Variants in NWD1 observed in about 807,000 individuals in gnomAD.
The protein encoded by NWD1 is NACHT domain- and WD repeat-containing protein 1.
NWD1 carries 129 observed loss-of-function variants against 135.1 expected under a neutral mutation model. That is an observed-to-expected ratio of 0.96 (90% CI 0.83 to 1.11). The LOEUF (loss-of-function observed/expected upper bound fraction) is 1.11, where lower values mean the gene tolerates loss of function less well. NWD1 is among the 50% of genes least tolerant of loss of function. NWD1 has a pLI of 0.00. For synonymous variants in NWD1, 773 were observed against 786.0 expected (o/e 0.98, Z 0.28); for missense variants, 1,740 against 1,851.3 (o/e 0.94, Z 1.10).
intron 1 of NWD1, among the ~76,000 whole-genome samples, chr19:16,720,601 G>C (rs1250967993): frequency 6.6e-6 from 1 of 152,144 alleles, no homozygotes; most frequent in Non-Finnish European, 1.5e-5. Flanking sequence ...CTGTCACTAG[G>C]CTGGAGTGCA....
Position 16,749,651 on chromosome 19 carries a change from CT to C in NWD1, c.1010del (p.Leu337ArgfsTer14). Reference sequence around the variant, plus strand: ...CGATGACAGCAAGCAGCACACCCCCCTGGTACTCTTTGGGCCCCCAGGCATT... The same window carrying C: ...CGATGACAGCAAGCAGCACACCCCCCGGTACTCTTTGGGCCCCCAGGCATT... The part of the protein sequence containing the change: ...RHDDSKQHTP[L>X]VLFGPPGIGK... On this transcript the variant is annotated frameshift_variant, in exon 6 of 19. Coordinates refer to ENST00000524140, the MANE Select transcript of NWD1 (RefSeq NM_001007525.5). LOFTEE classifies it high-confidence loss of function. 7 of 1,605,580 alleles carry C rather than the reference CT, an allele frequency of 4.4e-6. No individual in the cohort carries two copies. The highest frequency in any genetic ancestry group is 6.0e-6 in the Non-Finnish European group (7 of 1,174,308).
At chr19:16,722,334 G>C (rs1430751653) in intron 1 of NWD1, among the ~76,000 whole-genome samples, 1 of 150,814 alleles carries the variant, frequency 6.6e-6, no homozygotes, top group Non-Finnish European at 1.5e-5. Flanking sequence ...TGTCACCCAG[G>C]ATGGAGTGCA....
At chr19:16,773,060 C>A (rs1197520805) in intron 10 of NWD1, 66 bp from the exon 11 acceptor site, 1 of 1,373,206 alleles carries the variant, frequency 7.3e-7, no homozygotes, top group African/African-American at 1.4e-5. Context: ...GGAGCAGAGA[C>A]TCAATTGGCA....
At chr19:16,766,681 G>T (rs1313972821) in intron 10 of NWD1, among the ~76,000 whole-genome samples, 1 of 152,058 alleles carries the variant, frequency 6.6e-6, no homozygotes, top group African/African-American at 2.4e-5. Flanking sequence ...CGCCTATCAG[G>T]CTCAAGAGAT....
intron 11 of NWD1, among the ~76,000 whole-genome samples, chr19:16,778,436 C>G (rs1969731402): frequency 6.6e-6 from 1 of 151,870 alleles, no homozygotes; most frequent in Admixed American, 6.6e-5. Flanking sequence ...ACATAATCCT[C>G]ATTCTCAGCC....
At chr19:16,772,621 A>C (rs1969455450) in intron 10 of NWD1, among the ~76,000 whole-genome samples, 1 of 152,112 alleles carries the variant, frequency 6.6e-6, no homozygotes, top group African/African-American at 2.4e-5. Context: ...ACTCCAACCT[A>C]GGTGACAGGC....
At chr19:16,747,041 T>TA (rs1366453747) in intron 5 of NWD1, among the ~76,000 whole-genome samples, 1 of 138,680 alleles carries the variant, frequency 7.2e-6, no homozygotes, top group African/African-American at 3.0e-5. Flanking sequence ...TTTTCTTTCT[T>TA]TTTTTTTTTT....
At chr19:16,722,405 C>T (rs1395247431) in intron 1 of NWD1, among the ~76,000 whole-genome samples, 1 of 151,788 alleles carries the variant, frequency 6.6e-6, no homozygotes, top group African/African-American at 2.4e-5. Flanking sequence ...TCTCCTGCCT[C>T]AGCCTCCCTG....
intron 7 of NWD1, among the ~76,000 whole-genome samples, chr19:16,761,010 G>A (rs748138106): frequency 9.2e-5 from 14 of 152,034 alleles, no homozygotes; most frequent in East Asian, 5.8e-4. Flanking sequence ...CCCATCAGCC[G>A]TCACTCCTCA....
intron 6 of NWD1, among the ~76,000 whole-genome samples, chr19:16,754,389 C>T (rs1315908148): frequency 6.6e-6 from 1 of 151,406 alleles, no homozygotes; most frequent in Non-Finnish European, 1.5e-5. Context: ...CCCATCATCT[C>T]TATCTTCCAT....
chr19:16,789,318 C>T (rs1202264554), intron 13 of NWD1, 128 bp downstream of exon 13: 1 of 690,392 alleles, frequency 1.4e-6, no homozygotes, highest in Admixed American at 2.3e-5. Flanking sequence ...GAGTACACAA[C>T]CACTTGAGAG....
intron 2 of NWD1, among the ~76,000 whole-genome samples, chr19:16,724,803 C>T (rs1347711681): frequency 6.6e-6 from 1 of 151,572 alleles, no homozygotes; most frequent in African/African-American, 2.4e-5. Flanking sequence ...AGTAATTCTC[C>T]TGCCTCAGCC....
In NWD1 at chr19:16,815,993, C is replaced by T. The variant is rs553095237; in HGVS notation, c.*954C>T. On this transcript the variant is annotated 3_prime_UTR_variant, in exon 19 of 19. Transcript: ENST00000524140. ...AGGTCACAAGTCCAAGGTGCAAGAG[C>T]TCTGAGAGTGAGCCTTCTGTCCCAT... 6.6e-6 allele frequency: 1 copy of T among 152,420 alleles called. No homozygotes were observed. Among genetic ancestry groups the T allele is most frequent in the South Asian group, 2.1e-4 (1 of 4,826 alleles). The allele number at this position is 152,420 out of a possible 1,614,324, so 9.4% of individuals were successfully genotyped here. A position where few individuals can be genotyped will look rare whatever the true frequency, so the allele number is the denominator to read the frequency against.
rs1432574218 is a variant in NWD1, at chr19:16,815,255, G to A, written c.*216G>A. 2.6e-6 allele frequency: 2 copies of A among 782,102 alleles called. No homozygotes were observed. Among genetic ancestry groups the A allele is most frequent in the Non-Finnish European group, 4.8e-6 (2 of 419,206 alleles). 48.4% of individuals were successfully genotyped at this position (782,102 alleles called of 1,614,324 possible). On this transcript the variant is annotated 3_prime_UTR_variant, in exon 19 of 19. Coordinates refer to ENST00000524140, the MANE Select transcript of NWD1 (RefSeq NM_001007525.5). ...AGTTGCAGCTGCAGGAGCTCCCCAG[G>A]ACTTGGAGTCAGAAAGTGCCCAGGG...
In NWD1 at chr19:16,736,528, C is replaced by A. The variant is rs904652367; in HGVS notation, c.82-106C>A. The A allele has an allele frequency of 5.6e-6, 4 of 709,812 alleles. No homozygotes were observed. In the South Asian group the frequency reaches 6.4e-5, roughly 11 times the overall value. The allele number at this position is 709,812 out of a possible 1,614,324, so 44.0% of individuals were successfully genotyped here. On this transcript the variant is annotated intron_variant, in intron 3 of 18. Coordinates refer to ENST00000524140, the MANE Select transcript of NWD1 (RefSeq NM_001007525.5). The stretch of plus-strand genomic sequence containing the variant: ...CCAGACATCCCCCTACAGGAAGAGG[C>A]TGTCAAAAATTTTTGAAAGAAACTT...
Position 16,739,329 on chromosome 19 carries a change from C to CAAA in NWD1, c.198+2603_198+2605dup, listed in dbSNP as rs67106916. ...TAACATAGTGAGACCCTATCTCTAC[C>CAAA]AAAAAAAAAAAAAAAAAAAAAAAAA... On this transcript the variant is annotated intron_variant, in intron 4 of 18. Transcript: ENST00000524140. Among the ~76,000 whole-genome samples, 52 of 78,952 alleles carry CAAA rather than the reference C, an allele frequency of 6.6e-4. 1 individual carries two copies. The highest frequency in any genetic ancestry group is 1.6e-3 in the East Asian group (3 of 1,926). 51.8% of individuals were successfully genotyped at this position (78,952 alleles called of 152,430 possible).
chr19:16,741,095 G>A (rs1358227976), intron 4 of NWD1, among the ~76,000 whole-genome samples: 1 of 152,130 alleles, frequency 6.6e-6, no homozygotes, highest in Non-Finnish European at 1.5e-5. Context: ...GGGAGGCAGA[G>A]GTTGCAGTGA....
At chr19:16,736,592 G>C in intron 3 of NWD1, 42 bp from the exon 4 acceptor site, 5 of 1,270,484 alleles carry the variant, frequency 3.9e-6, no homozygotes, top group Non-Finnish European at 5.5e-6. Flanking sequence ...CAAATCACCT[G>C]TCATGCCACC....
intron 2 of NWD1, among the ~76,000 whole-genome samples, chr19:16,728,667 G>A (rs541652163): frequency 6.6e-6 from 1 of 151,938 alleles, no homozygotes; most frequent in East Asian, 2.0e-4. Context: ...ATTGCAGGCC[G>A]GGTGCAGTGG....
Sources: gnomAD v4.1 joint callset for allele counts (sites outside exome capture counted in the v4.1 genomes callset) on GRCh38, gnomAD v4.1.1 for gene constraint, MANE v1.5 for transcripts, NCBI Gene and HGNC (gene_info 2026-07-23, HGNC 2026-07-21) for gene names.